Variants in KIF20B observed in about 807,000 individuals in gnomAD.
The protein encoded by KIF20B is kinesin-like protein KIF20B.
KIF20B carries 188 observed loss-of-function variants against 232.5 expected under a neutral mutation model. The observed-to-expected ratio is 0.81, with a 90% CI of 0.72 to 0.91. The LOEUF is 0.91. KIF20B is among the 40% of genes least tolerant of loss of function. The pLI is 0.00. For missense variants in KIF20B, 2,154 were observed against 2,055.9 expected (o/e 1.05, Z -0.92); for synonymous variants, 712 against 683.0 (o/e 1.04, Z -0.66).
At chr10:89,724,463 AG>A (rs1481356208) in intron 14 of KIF20B, among the ~76,000 whole-genome samples, 1 of 152,204 alleles carries the variant, frequency 6.6e-6, no homozygotes, top group Non-Finnish European at 1.5e-5. Flanking sequence ...TGGGAGGTGT[AG>A]GTTGCAGTGA....
Position 89,738,270 on chromosome 10 carries a change from T to A in KIF20B, c.3429T>A (p.Val1143=). 6.2e-7 allele frequency: 1 copy of A among 1,610,602 alleles called. No individual in the cohort carries two copies. ...VTLDVQIQHV[V]EGKRALSELT... Reference sequence around the variant, plus strand: ...TTGATGTTCAAATACAGCATGTAGTTGAAGGAAAGAGAGCGCTTTCAGAAC... The same window carrying A: ...TTGATGTTCAAATACAGCATGTAGTAGAAGGAAAGAGAGCGCTTTCAGAAC... The change falls in exon 20 of 33, where the codon GTT becomes GTA. Residue 1143 remains valine (V), a synonymous_variant. Transcript: ENST00000371728.
intron 19 of KIF20B, among the ~76,000 whole-genome samples, chr10:89,735,906 T>A (rs184931490): frequency 1.7e-3 from 256 of 152,316 alleles, no homozygotes; most frequent in Non-Finnish European, 3.2e-3. Flanking sequence ...CTTCTGCTCT[T>A]ATAGATTAGT....
chr10:89,769,271 C>T (rs752247372), intron 31 of KIF20B, among the ~76,000 whole-genome samples: 12 of 152,006 alleles, frequency 7.9e-5, no homozygotes, highest in Middle Eastern at 3.4e-3. Flanking sequence ...TCTAGGGTGT[C>T]CAAGGGTGAG....
chr10:89,768,738 G>A lies in KIF20B; in HGVS notation c.5092G>A (p.Val1698Ile). ...RNSSVKKEQK[V>I]AIRPSSKKTY... ...TAACAAAAAATGTTTTGTTTATTAGGTTGCCATACGTCCATCATCTAAGAA... is the reference window on the plus strand; with the variant it reads ...TAACAAAAAATGTTTTGTTTATTAGATTGCCATACGTCCATCATCTAAGAA... The change falls in exon 31 of 33, where the codon GTT (valine) becomes ATT (isoleucine). Residue 1698 changes from valine to isoleucine, a missense_variant and splice_region_variant. By Grantham distance (29) the Val-to-Ile change is conservative (BLOSUM62 3). Coordinates refer to ENST00000371728, the MANE Select transcript of KIF20B (RefSeq NM_001284259.2). 1.3e-6 allele frequency: 2 copies of A among 1,580,800 alleles called. No individual in the cohort carries two copies. Among genetic ancestry groups the A allele is most frequent in the Non-Finnish European group, 1.7e-6 (2 of 1,169,700 alleles).
In KIF20B at chr10:89,701,818, G is replaced by A. The variant is rs141298634; in HGVS notation, c.-2+138G>A. 5.3e-5 allele frequency: 8 copies of A among 152,280 alleles called. No individual in the cohort carries two copies. The East Asian group carries it at 1.5e-3, about 29-fold the overall frequency. 9.4% of individuals were successfully genotyped at this position (152,280 alleles called of 1,614,324 possible). A position where few individuals can be genotyped will look rare whatever the true frequency, so the allele number is the denominator to read the frequency against. Reference sequence around the variant, plus strand: ...ATACCCCAGTGGAGGTTACTGTCAGGAACTGGGTTGCGGAGCGATGCGAAC... The same window carrying A: ...ATACCCCAGTGGAGGTTACTGTCAGAAACTGGGTTGCGGAGCGATGCGAAC... On this transcript the variant is annotated intron_variant, in intron 1 of 32. Coordinates refer to ENST00000371728, the MANE Select transcript of KIF20B (RefSeq NM_001284259.2).
intron 23 of KIF20B, 144 bp from the exon 24 acceptor site, chr10:89,751,202 C>T (rs535514991): frequency 2.0e-5 from 12 of 588,516 alleles, no homozygotes; most frequent in South Asian, 4.7e-5. Flanking sequence ...GAGGATATTG[C>T]GATGAATAAG....
At chr10:89,722,232 A>G (rs1843075347) in intron 13 of KIF20B, among the ~76,000 whole-genome samples, 1 of 152,184 alleles carries the variant, frequency 6.6e-6, no homozygotes, top group Non-Finnish European at 1.5e-5. Context: ...TAATTAAAGG[A>G]TTGGGACTTT....
At chr10:89,720,479 G>A (rs7085805) in intron 13 of KIF20B, among the ~76,000 whole-genome samples, 47,300 of 151,938 alleles carry the variant, frequency 0.31, 8,313 homozygotes, top group African/African-American at 0.47. Flanking sequence ...CATATTATCT[G>A]TGGGGTGTTA....
At chr10:89,732,167 C>T (rs1404631622) in intron 18 of KIF20B, among the ~76,000 whole-genome samples, 1 of 151,622 alleles carries the variant, frequency 6.6e-6, no homozygotes, top group East Asian at 1.9e-4. Context: ...CACTCTGTTG[C>T]CCAGGCTGAA....
At chr10:89,712,172 A>C (rs1165321835) in intron 6 of KIF20B, among the ~76,000 whole-genome samples, 1 of 152,066 alleles carries the variant, frequency 6.6e-6, no homozygotes, top group African/African-American at 2.4e-5. Context: ...ATACATTATT[A>C]ATGTATTAGT....
intron 12 of KIF20B, 40 bp from the exon 13 acceptor site, chr10:89,719,374 TTCTTG>T (rs747842344): frequency 3.7e-6 from 5 of 1,348,268 alleles, no homozygotes; most frequent in Non-Finnish European, 5.1e-6. Context: ...TAGTGGACAG[TTCTTG>T]TCTTTTCTGT....
intron 9 of KIF20B, 27 bp downstream of exon 9, chr10:89,716,574 A>G: frequency 9.5e-7 from 1 of 1,049,474 alleles, no homozygotes; most frequent in Non-Finnish European, 1.5e-6. Context: ...GTAAGAGTAA[A>G]CTCGAATCAC....
At chr10:89,733,460 A>G (rs886081969) in intron 19 of KIF20B, among the ~76,000 whole-genome samples, 1 of 152,188 alleles carries the variant, frequency 6.6e-6, no homozygotes, top group East Asian at 1.9e-4. Context: ...AAATATTATT[A>G]ATAATAAATG....
intron 13 of KIF20B, among the ~76,000 whole-genome samples, chr10:89,722,315 A>G (rs758877886): frequency 1.2e-4 from 19 of 152,240 alleles, no homozygotes; most frequent in Non-Finnish European, 1.6e-4. Flanking sequence ...TAGCCAGCCT[A>G]AATTTTTTCA....
intron 24 of KIF20B, among the ~76,000 whole-genome samples, chr10:89,751,850 A>G (rs1842028156): frequency 6.6e-6 from 1 of 152,058 alleles, no homozygotes; most frequent in South Asian, 2.1e-4. Flanking sequence ...TCAGAATACC[A>G]TCAGAGTTTT....
intron 9 of KIF20B, among the ~76,000 whole-genome samples, chr10:89,717,153 T>A (rs1842951885): frequency 6.6e-6 from 1 of 152,170 alleles, no homozygotes; most frequent in Non-Finnish European, 1.5e-5. Context: ...AAACAAAATG[T>A]CGCTTTATTA....
Position 89,774,026 on chromosome 10 carries a change from T to C in KIF20B, c.5441T>C (p.Leu1814Pro). The change falls in exon 33 of 33, where the codon CTT (leucine) becomes CCT (proline). Residue 1814 changes from leucine (L) to proline (P), a missense_variant. Transcript: ENST00000371728. ...ESDHQIIKRR[L>P]RTKTAK ...GATCACCAGATTATCAAACGACGAC[T>C]TCGAACAAAAACAGCCAAATAAATC... 1.3e-6 allele frequency: 2 copies of C among 1,591,688 alleles called. No homozygotes were observed. Among genetic ancestry groups the C allele is most frequent in the Non-Finnish European group, 1.7e-6 (2 of 1,167,526 alleles).
At chr10:89,713,221 C>A (rs1405194934) in intron 6 of KIF20B, among the ~76,000 whole-genome samples, 1 of 151,848 alleles carries the variant, frequency 6.6e-6, no homozygotes, top group Admixed American at 6.6e-5. Flanking sequence ...ATTAGCTGGG[C>A]ATGGTGACTC....
rs186405618 is a variant in KIF20B at position 89,774,084 on chromosome 10, T to A, written c.*36T>A. ...GAAATGTTTAATATAAATTTTATAG[T>A]CATAGTCATTGGAACTTGCATCCTG... On this transcript the variant is annotated 3_prime_UTR_variant, in exon 33 of 33. Coordinates refer to ENST00000371728, the MANE Select transcript of KIF20B (RefSeq NM_001284259.2). 4.7e-4 allele frequency: 620 copies of A among 1,330,022 alleles called. No individual in the cohort carries two copies. The highest frequency in any genetic ancestry group is 6.0e-4 in the Non-Finnish European group (571 of 953,294). 82.4% of individuals were successfully genotyped at this position (1,330,022 alleles called of 1,614,324 possible).
Sources: gnomAD v4.1 joint callset for allele counts (sites outside exome capture counted in the v4.1 genomes callset) on GRCh38, gnomAD v4.1.1 for gene constraint, MANE v1.5 for transcripts, NCBI Gene and HGNC (gene_info 2026-07-23, HGNC 2026-07-21) for gene names.